KLHL32: variants seen among roughly 807,000 people sequenced by gnomAD.
The protein encoded by KLHL32 is kelch like family member 32.
In KLHL32, 35 loss-of-function variants were observed where a neutral mutation model predicts 64.8. That is an observed-to-expected ratio of 0.54 (90% CI 0.41 to 0.72). KLHL32 has a LOEUF of 0.72. Among genes scored for constraint, KLHL32 ranks in the 30% least tolerant of loss-of-function variants. The pLI is 0.00. For synonymous variants in KLHL32, 259 were observed against 281.0 expected (o/e 0.92, Z 0.78); for missense variants, 589 against 768.5 (o/e 0.77, Z 2.76).
At chr6:97,103,775 AT>A (rs34005705) in intron 6 of KLHL32, among the ~76,000 whole-genome samples, 105,770 of 151,972 alleles carry the variant, frequency 0.7, 36,959 homozygotes, top group South Asian at 0.81. Flanking sequence ...AGACAAAAAA[AT>A]GTCACCTTGT....
At chr6:97,091,274 G>C (rs1315071099) in intron 6 of KLHL32, among the ~76,000 whole-genome samples, 1 of 152,206 alleles carries the variant, frequency 6.6e-6, no homozygotes, top group Non-Finnish European at 1.5e-5. Context: ...CCCTTGGGTA[G>C]TGCCCATGGA....
chr6:96,998,075 C>G (rs1778611579), intron 3 of KLHL32, among the ~76,000 whole-genome samples: 1 of 152,194 alleles, frequency 6.6e-6, no homozygotes, highest in East Asian at 1.9e-4. Flanking sequence ...AGACTGTAGC[C>G]TTCTGCCTTA....
chr6:96,996,925 A>G lies in KLHL32; in HGVS notation c.204+20748A>G, dbSNP rs545544826. On this transcript the variant is annotated intron_variant, in intron 3 of 10. Coordinates refer to ENST00000369261, the MANE Select transcript of KLHL32 (RefSeq NM_052904.4). Reference sequence around the variant, plus strand: ...AAAAGTGGTTAAGTAAGAGCTGATGATGGCCTGAAGTAAGCAAGGAGCAGA... The same window carrying G: ...AAAAGTGGTTAAGTAAGAGCTGATGGTGGCCTGAAGTAAGCAAGGAGCAGA... 2.0e-4 allele frequency among the ~76,000 whole-genome samples: 31 copies of G among 152,246 alleles called. No individual in the cohort carries two copies. In the South Asian group the frequency reaches 6.4e-3, roughly 32 times the overall value.
At chr6:97,036,281 C>T (rs969897121) in intron 3 of KLHL32, among the ~76,000 whole-genome samples, 26 of 151,990 alleles carry the variant, frequency 1.7e-4, no homozygotes, top group Admixed American at 7.2e-4. Flanking sequence ...GTATTACTTT[C>T]CTGATATTAT....
the KLHL32 span, among the ~76,000 whole-genome samples, chr6:96,904,339 C>CAAA: frequency 1.9e-5 from 2 of 106,086 alleles, no homozygotes; most frequent in African/African-American, 3.6e-5. Context: ...AAGACTTTGT[C>CAAA]AAAAAAAAAA....
intron 1 of KLHL32, among the ~76,000 whole-genome samples, chr6:96,926,121 T>TA (rs1183536935): frequency 2.6e-5 from 4 of 152,230 alleles, no homozygotes; most frequent in Admixed American, 6.5e-5. Flanking sequence ...ATCCAGTAAT[T>TA]ACACTTTGCA....
At chr6:97,004,072 G>T (rs1211195782) in intron 3 of KLHL32, among the ~76,000 whole-genome samples, 2 of 152,164 alleles carry the variant, frequency 1.3e-5, no homozygotes, top group African/African-American at 4.8e-5. Context: ...GCTTTGGGAA[G>T]TATGGCCATT....
intron 3 of KLHL32, among the ~76,000 whole-genome samples, chr6:96,993,480 G>T (rs865812164): frequency 6.6e-6 from 1 of 152,198 alleles, no homozygotes; most frequent in Non-Finnish European, 1.5e-5. Context: ...GCTTCTGTTT[G>T]GGTCTTGTTT....
rs968517802 is a variant in KLHL32, at chr6:97,139,665, A to ACTT, written c.*384_*386dup. ...GATCTTAAAAATATATATATTCTGTACTTAATCCCTTTATTATTTAAAGCC... is the reference window on the plus strand; with the variant it reads ...GATCTTAAAAATATATATATTCTGTACTTCTTAATCCCTTTATTATTTAAAGCC... On this transcript the variant is annotated 3_prime_UTR_variant, in exon 11 of 11. Transcript: ENST00000369261. The ACTT allele has an allele frequency of 6.4e-6, 1 of 157,042 alleles. No homozygotes were observed. The highest frequency in any genetic ancestry group is 2.4e-5 in the African/African-American group (1 of 41,620). 9.7% of individuals were successfully genotyped at this position (157,042 alleles called of 1,614,324 possible).
upstream of KLHL32, among the ~76,000 whole-genome samples, chr6:96,921,823 T>C (rs1768763427): frequency 6.6e-6 from 1 of 152,156 alleles, no homozygotes; most frequent in African/African-American, 2.4e-5. Context: ...CTCACAGCAC[T>C]AGATTTATGC....
intron 1 of KLHL32, among the ~76,000 whole-genome samples, chr6:96,943,527 T>C (rs62413865): frequency 0.014 from 2,074 of 152,324 alleles, 27 homozygotes; most frequent in Middle Eastern, 0.034. Context: ...ACTGATTTAA[T>C]TGGATTCCTC....
rs182037892 is a variant in KLHL32, at chr6:97,031,857, G to A, written c.205-9635G>A. On this transcript the variant is annotated intron_variant, in intron 3 of 10. Transcript: ENST00000369261. ...GGATTTAGTCAGCAGTTGAGTGGAG[G>A]GTGCTGTTTCTCAGCTCTCGTTTCA... 1.2e-4 allele frequency among the ~76,000 whole-genome samples: 19 copies of A among 152,254 alleles called. No homozygotes were observed. In the East Asian group the frequency reaches 3.5e-3, roughly 28 times the overall value.
the KLHL32 span, among the ~76,000 whole-genome samples, chr6:96,914,136 A>G: frequency 2.0e-5 from 3 of 152,182 alleles, no homozygotes; most frequent in African/African-American, 7.2e-5. Context: ...TGACCTCTAG[A>G]AGCTGGCAGA....
the KLHL32 span, among the ~76,000 whole-genome samples, chr6:96,917,489 G>A: frequency 6.6e-6 from 1 of 152,244 alleles, no homozygotes; most frequent in Non-Finnish European, 1.5e-5. Context: ...GAAGGAGGAT[G>A]AGGTCAGAGA....
intron 4 of KLHL32, among the ~76,000 whole-genome samples, chr6:97,051,353 T>G (rs1038072134): frequency 3.3e-5 from 5 of 152,222 alleles, no homozygotes; most frequent in Non-Finnish European, 7.3e-5. Flanking sequence ...AAAAGAAATA[T>G]TTCCTTTTTG....
chr6:96,920,169 T>C (rs553431752), upstream of KLHL32, among the ~76,000 whole-genome samples: 2 of 152,234 alleles, frequency 1.3e-5, no homozygotes, highest in East Asian at 3.9e-4. Flanking sequence ...TAAGGGAACA[T>C]GGTCAGGGAA....
rs535498374 is a variant in KLHL32 at position 96,993,983 on chromosome 6, A to G, written c.204+17806A>G. ...AAGCATGCTACCCTTTGCTCTACAT[A>G]GAGATACTGTATCTTCCAGGATTGT... On this transcript the variant is annotated intron_variant, in intron 3 of 10. Coordinates refer to ENST00000369261, the MANE Select transcript of KLHL32 (RefSeq NM_052904.4). 4.9e-3 allele frequency among the ~76,000 whole-genome samples: 626 copies of G among 128,286 alleles called. 2 individuals are homozygous for G. The highest frequency in any genetic ancestry group is 0.021 in the African/African-American group (592 of 27,914). The allele number at this position is 128,286 out of a possible 152,430, so 84.2% of individuals were successfully genotyped here. A position where few individuals can be genotyped will look rare whatever the true frequency, so the allele number is the denominator to read the frequency against.
At position 97,130,776 on chromosome 6, in the gene KLHL32, G is replaced by A; in HGVS notation, c.1433G>A (p.Ser478Asn). 6.2e-7 allele frequency: 1 copy of A among 1,613,410 alleles called. No individual in the cohort carries two copies. The highest frequency in any genetic ancestry group is 8.5e-7 in the Non-Finnish European group (1 of 1,179,716). The change falls in exon 9 of 11, where the codon AGC becomes AAC. Residue 478 changes from serine (S) to asparagine (N), a missense_variant. Around this residue, in one of 3 missense-constraint regions of KLHL32, gnomAD observed 172 missense variants for 192.0 expected, o/e 0.90. Coordinates refer to ENST00000369261, the MANE Select transcript of KLHL32 (RefSeq NM_052904.4). Reference sequence around the variant, plus strand: ...TTTCAGAATAAGTGGATAAGCCGTAGCCCCATGCTGCAGAGAAGGGTCTAC... The same window carrying A: ...TTTCAGAATAAGTGGATAAGCCGTAACCCCATGCTGCAGAGAAGGGTCTAC... ...EPNQNKWISR[S>N]PMLQRRVYHS...
At chr6:96,964,243 T>C (rs754880294) in intron 1 of KLHL32, among the ~76,000 whole-genome samples, 2 of 152,138 alleles carry the variant, frequency 1.3e-5, no homozygotes, top group Non-Finnish European at 2.9e-5. Context: ...GGTTAATCCA[T>C]GTGCGAGGCA....
Sources: gnomAD v4.1 joint callset for allele counts (sites outside exome capture counted in the v4.1 genomes callset) on GRCh38, gnomAD v4.1.1 for gene constraint, gnomAD v4.1.1 regional missense constraint, MANE v1.5 for transcripts, NCBI Gene and HGNC (gene_info 2026-07-23, HGNC 2026-07-21) for gene names.